SYT13: variants seen among roughly 807,000 people sequenced by gnomAD.
The protein encoded by SYT13 is synaptotagmin 13, also known as synaptotagmin-13.
A neutral mutation model predicts 38.6 loss-of-function variants in SYT13; 21 were observed. The observed-to-expected ratio is 0.54, with a 90% confidence interval of 0.39 to 0.78. SYT13 has a LOEUF of 0.78. SYT13 is among the 30% of genes least tolerant of loss of function. The pLI is 0.00. For synonymous variants in SYT13, 241 were observed against 237.6 expected, an observed-to-expected ratio of 1.01 and a Z score of -0.13; for missense variants, 495 against 548.7, an observed-to-expected ratio of 0.90 and a Z score of 0.98.
chr11:45,271,286 A>C (rs560627579), intron 1 of SYT13, among the ~76,000 whole-genome samples: 1 of 152,214 alleles, frequency 6.6e-6, no homozygotes, highest in African/African-American at 2.4e-5. Flanking sequence ...AATAGAAGAC[A>C]GTCTTAAAAA....
chr11:45,245,974 G>GT (rs1481004980), intron 5 of SYT13, among the ~76,000 whole-genome samples: 4 of 152,176 alleles, frequency 2.6e-5, no homozygotes, highest in African/African-American at 7.2e-5. Flanking sequence ...TGCCTGAAAG[G>GT]TGGGTCCAGC....
intron 1 of SYT13, among the ~76,000 whole-genome samples, chr11:45,272,343 C>CAAGAAAGA (rs201858591): frequency 1.4e-4 from 22 of 152,032 alleles, no homozygotes; most frequent in African/African-American, 5.3e-4. Context: ...TAAAGTATAA[C>CAAGAAAGA]AAGAAAGAAA....
intron 1 of SYT13, among the ~76,000 whole-genome samples, chr11:45,276,725 T>A (rs887893611): frequency 3.3e-5 from 5 of 149,318 alleles, no homozygotes; most frequent in African/African-American, 9.9e-5. Flanking sequence ...AAAAAAAAAA[T>A]AAATAAAATA....
intron 1 of SYT13, among the ~76,000 whole-genome samples, chr11:45,266,227 G>C (rs1854879588): frequency 6.6e-6 from 1 of 152,036 alleles, no homozygotes; most frequent in Admixed American, 6.6e-5. Flanking sequence ...GGATCCACTG[G>C]TCTCTAAACC....
rs925767216 is a variant in SYT13 at position 45,254,388 on chromosome 11, G to C, written c.426C>G (p.Val142=). The change falls in exon 3 of 6, where the codon GTC becomes GTG. Residue 142 remains valine, a synonymous_variant. Coordinates refer to ENST00000020926, the MANE Select transcript of SYT13 (RefSeq NM_020826.3). ...CTGGGTTCCAGGTCTCCATGACACA[G>C]ACATCCTCCACCACACCTGTTAAGA... The part of the protein sequence containing the change: ...ILPQNGVVED[V]CVMETWNPEK... The C allele has an allele frequency of 6.2e-7, 1 of 1,613,216 alleles. No homozygotes were observed. The highest frequency in any genetic ancestry group is 8.5e-7 in the Non-Finnish European group (1 of 1,179,666).
Position 45,254,185 on chromosome 11 carries a change from C to T in SYT13, c.544+85G>A, listed in dbSNP as rs1854713572. ...AGTCCTAATCCAGTGCTCTCTCCAG[C>T]TGCAGATGATCCCATCCTGCCTGCA... On this transcript the variant is annotated intron_variant, in intron 3 of 5. Transcript: ENST00000020926. The T allele has an allele frequency of 2.8e-6, 4 of 1,450,194 alleles. No homozygotes were observed. The Admixed American group carries it at 9.1e-5, about 33-fold the overall frequency. The allele number at this position is 1,450,194 out of a possible 1,614,324, so 89.8% of individuals were successfully genotyped here. A position where few individuals can be genotyped will look rare whatever the true frequency, so the allele number is the denominator to read the frequency against.
chr11:45,247,546 G>C (rs1464426847), intron 4 of SYT13, among the ~76,000 whole-genome samples: 1 of 152,152 alleles, frequency 6.6e-6, no homozygotes, highest in Non-Finnish European at 1.5e-5. Context: ...TGTGCAATGA[G>C]GGTAATTCAA....
chr11:45,266,948 A>T lies in SYT13; in HGVS notation c.184-11057T>A, dbSNP rs1451278660. ...TCAAGGCTGAACACAATAAAAGTTG[A>T]TTTCTCACAGTCTGAAAAGGGCCGT... On this transcript the variant is annotated intron_variant, in intron 1 of 5. Coordinates refer to ENST00000020926, the MANE Select transcript of SYT13 (RefSeq NM_020826.3). Among the ~76,000 whole-genome samples the T allele has an allele frequency of 2.6e-5, 4 of 152,226 alleles. No individual in the cohort carries two copies. The East Asian group carries it at 5.8e-4, about 22-fold the overall frequency.
chr11:45,280,750 C>G (rs919929350), intron 1 of SYT13, among the ~76,000 whole-genome samples: 4 of 152,194 alleles, frequency 2.6e-5, no homozygotes, highest in African/African-American at 9.7e-5. Flanking sequence ...TGTCTTCCCT[C>G]TCTTATTCAG....
chr11:45,267,012 TG>T (rs1306102049), intron 1 of SYT13, among the ~76,000 whole-genome samples: 5 of 152,248 alleles, frequency 3.3e-5, no homozygotes, highest in African/African-American at 1.2e-4. Context: ...TTCCACCTTG[TG>T]GCCTTGTTTA....
At chr11:45,256,033 C>T (rs1258420610) in intron 1 of SYT13, 142 bp from the exon 2 acceptor site, 3 of 807,018 alleles carry the variant, frequency 3.7e-6, no homozygotes, top group Admixed American at 2.4e-5. Flanking sequence ...AGAGCACAAC[C>T]TAGGAAGGTC....
Position 45,254,215 on chromosome 11 carries a change from T to C in SYT13, c.544+55A>G. 3 of 1,549,392 alleles carry C rather than the reference T, an allele frequency of 1.9e-6. No individual in the cohort carries two copies. The South Asian group carries it at 3.8e-5, about 20-fold the overall frequency. On this transcript the variant is annotated intron_variant, in intron 3 of 5. Coordinates refer to ENST00000020926, the MANE Select transcript of SYT13 (RefSeq NM_020826.3). ...GATGATCCCATCCTGCCTGCACAGC[T>C]TCTCCAGGGGAGATAGACACACAGA...
intron 1 of SYT13, among the ~76,000 whole-genome samples, chr11:45,260,610 A>G (rs1854803326): frequency 6.6e-6 from 1 of 152,202 alleles, no homozygotes; most frequent in African/African-American, 2.4e-5. Flanking sequence ...CTTGAAGCCC[A>G]GGAATAGAGC....
At chr11:45,248,823 T>C (rs1291112347) in intron 4 of SYT13, among the ~76,000 whole-genome samples, 1 of 152,208 alleles carries the variant, frequency 6.6e-6, no homozygotes, top group Admixed American at 6.5e-5. Flanking sequence ...CACTTTTGCA[T>C]AGGGTGAGGT....
intron 1 of SYT13, among the ~76,000 whole-genome samples, chr11:45,260,689 G>C (rs888733274): frequency 6.6e-6 from 1 of 152,190 alleles, no homozygotes; most frequent in Non-Finnish European, 1.5e-5. Context: ...ACAATTAGAG[G>C]ATGGGTGCAC....
At chr11:45,268,533 C>G (rs1854911839) in intron 1 of SYT13, among the ~76,000 whole-genome samples, 1 of 152,176 alleles carries the variant, frequency 6.6e-6, no homozygotes, top group South Asian at 2.1e-4. Flanking sequence ...GAGCATTTTA[C>G]CCATTCGGTT....
Position 45,286,155 on chromosome 11 carries a change from G to C in SYT13, c.53C>G (p.Thr18Ser), listed in dbSNP as rs1216564836. The C allele has an allele frequency of 1.3e-6, 2 of 1,590,670 alleles. No individual in the cohort carries two copies. Among genetic ancestry groups the C allele is most frequent in the Admixed American group, 1.8e-5 (1 of 55,990 alleles). ...IALGATLGTA[T>S]SILALCGVTC... is the part of the protein sequence containing the mutation. ...GACCCCGCACAACGCGAGGATGCTG[G>C]TGGCTGTGCCCAGCGTGGCGCCCAG... The change falls in exon 1 of 6, where the codon ACC becomes AGC. Residue 18 changes from threonine to serine, a missense_variant. By Grantham distance (58) the Thr-to-Ser change is moderately conservative. Transcript: ENST00000020926.
chr11:45,270,573 A>T (rs2135904909), intron 1 of SYT13, among the ~76,000 whole-genome samples: 1 of 152,354 alleles, frequency 6.6e-6, no homozygotes, highest in African/African-American at 2.4e-5. Context: ...CCATTTAAAA[A>T]TTGATTAACA....
intron 1 of SYT13, among the ~76,000 whole-genome samples, chr11:45,273,956 C>T (rs985815278): frequency 5.3e-5 from 8 of 152,182 alleles, no homozygotes; most frequent in Admixed American, 2.0e-4. Context: ...TGCTTTCATA[C>T]GTGTCATCTC....
Sources: gnomAD v4.1 joint callset for allele counts (sites outside exome capture counted in the v4.1 genomes callset) on GRCh38, gnomAD v4.1.1 for gene constraint, MANE v1.5 for transcripts, NCBI Gene and HGNC (gene_info 2026-07-23, HGNC 2026-07-21) for gene names.